The following PRKN variants were observed in gnomAD, a reference collection of about 807,000 sequenced individuals.
PRKN encodes parkin RBR E3 ubiquitin protein ligase, also known as E3 ubiquitin-protein ligase parkin.
A neutral mutation model predicts 59.5 loss-of-function variants in PRKN; 56 were observed. The ratio of observed to expected loss-of-function variants is 0.94; its 90% CI spans 0.76 to 1.18. The LOEUF is 1.18. Among genes scored for constraint, PRKN ranks in the 50% most tolerant of loss-of-function variants. The pLI, the probability that PRKN is intolerant of heterozygous loss-of-function variation, is 0.00. For missense variants in PRKN, 657 were observed against 596.4 expected, an observed-to-expected ratio of 1.10 and a Z score of -1.06; for synonymous variants, 250 against 222.1, an observed-to-expected ratio of 1.13 and a Z score of -1.12.
intron 9 of PRKN, among the ~76,000 whole-genome samples, chr6:161,532,237 AT>A (rs1229759718): frequency 6.6e-6 from 1 of 151,554 alleles, no homozygotes; most frequent in African/African-American, 2.4e-5. Context: ...TTGCAGAAAA[AT>A]TTGCCTAGAG....
rs142874290 is a variant in PRKN at position 161,471,629 on chromosome 6, A to C, written c.1083+77225T>G. On this transcript the variant is annotated intron_variant, in intron 9 of 11. Coordinates refer to ENST00000366898, the MANE Select transcript of PRKN (RefSeq NM_004562.3). The surrounding 1 kb of genome is among the most constrained non-coding windows in gnomAD (Gnocchi z 4.5). ...CTCTTGAATTGGATGGTCTATCGGA[A>C]ACAGAATCAGGATTCAAAAACATCC... Among the ~76,000 whole-genome samples, 41 of 152,292 alleles carry C rather than the reference A, an allele frequency of 2.7e-4. No homozygotes were observed. The highest frequency in any genetic ancestry group is 8.4e-4 in the African/African-American group (35 of 41,546).
At chr6:161,884,220 T>A (rs537607657) in intron 6 of PRKN, among the ~76,000 whole-genome samples, 1 of 152,270 alleles carries the variant, frequency 6.6e-6, no homozygotes, top group Admixed American at 6.5e-5. Context: ...AAGAAACAGC[T>A]CATGTTTTTA....
chr6:161,536,606 C>G (rs544976490), intron 9 of PRKN, among the ~76,000 whole-genome samples: 2 of 152,264 alleles, frequency 1.3e-5, no homozygotes, highest in Non-Finnish European at 2.9e-5. Context: ...GCAAGCAGTT[C>G]TGTTTGTACA....
intron 2 of PRKN, among the ~76,000 whole-genome samples, chr6:162,349,753 TAA>T (rs1784548699): frequency 6.6e-6 from 1 of 152,176 alleles, no homozygotes; most frequent in Non-Finnish European, 1.5e-5. Flanking sequence ...TAGTTGACGG[TAA>T]AAGACTGAAG....
intron 4 of PRKN, among the ~76,000 whole-genome samples, chr6:162,110,859 G>A (rs79574304): frequency 0.027 from 4,037 of 152,232 alleles, 183 homozygotes; most frequent in African/African-American, 0.093. Context: ...TGCCACACAT[G>A]CTTCACCTGA....
chr6:161,975,008 T>C (rs930130097), intron 5 of PRKN, among the ~76,000 whole-genome samples: 8 of 152,110 alleles, frequency 5.3e-5, no homozygotes, highest in African/African-American at 1.9e-4. Context: ...CAGGCCATGA[T>C]GAGACATTTG....
intron 1 of PRKN, among the ~76,000 whole-genome samples, chr6:162,570,560 C>G (rs1053157824): frequency 6.6e-6 from 1 of 152,140 alleles, no homozygotes; most frequent in Non-Finnish European, 1.5e-5. Flanking sequence ...GATTTGGAAG[C>G]AACCTAAGCA....
intron 7 of PRKN, among the ~76,000 whole-genome samples, chr6:161,768,369 T>G (rs988858693): frequency 1.3e-5 from 2 of 152,230 alleles, no homozygotes; most frequent in African/African-American, 2.4e-5. Context: ...TGATGTAAAA[T>G]GTATCTCTTT....
chr6:161,532,164 C>CTATATATATA (rs770823196), intron 9 of PRKN, among the ~76,000 whole-genome samples: 1 of 67,962 alleles, frequency 1.5e-5, no homozygotes, highest in Non-Finnish European at 3.0e-5. Context: ...CTCTCTCTCT[C>CTATATATATA]TCTATATATA....
chr6:161,750,490 A>C (rs1788642920), intron 7 of PRKN, among the ~76,000 whole-genome samples: 1 of 152,072 alleles, frequency 6.6e-6, no homozygotes, highest in Admixed American at 6.6e-5. Flanking sequence ...AGTATTGGCC[A>C]GGTGTGGTGG....
In PRKN at chr6:161,423,594, A is replaced by G. The variant is rs1788202432; in HGVS notation, c.1084-36717T>C. On this transcript the variant is annotated intron_variant, in intron 9 of 11. Transcript: ENST00000366898. The surrounding 1 kb of genome is among the most constrained non-coding windows in gnomAD (Gnocchi z 5.9). ...ATTTACAGATTTAGATGACTTGTCAATCCCAAGCTGGAATTCATAAAATTG... is the reference window on the plus strand; with the variant it reads ...ATTTACAGATTTAGATGACTTGTCAGTCCCAAGCTGGAATTCATAAAATTG... Among the ~76,000 whole-genome samples, 1 of 152,286 alleles carries G rather than the reference A, an allele frequency of 6.6e-6. No homozygotes were observed. Among genetic ancestry groups the G allele is most frequent in the Middle Eastern group, 3.4e-3 (1 of 294 alleles).
intron 2 of PRKN, among the ~76,000 whole-genome samples, chr6:162,296,446 A>T (rs1256328106): frequency 6.6e-6 from 1 of 151,688 alleles, no homozygotes; most frequent in Non-Finnish European, 1.5e-5. Flanking sequence ...GGCTTTAAGG[A>T]CCCTCTGGCT....
intron 1 of PRKN, among the ~76,000 whole-genome samples, chr6:162,626,429 T>A (rs372850593): frequency 6.6e-6 from 1 of 152,268 alleles, no homozygotes; most frequent in East Asian, 1.9e-4. Context: ...GAATTAATCA[T>A]AGAGGAAGAA....
At chr6:162,678,585 C>T (rs893528831) in intron 1 of PRKN, among the ~76,000 whole-genome samples, 1 of 152,174 alleles carries the variant, frequency 6.6e-6, no homozygotes, top group Non-Finnish European at 1.5e-5. Context: ...TACTTGTCAT[C>T]TGTATACTAT....
At chr6:162,411,553 A>T (rs1392662316) in intron 2 of PRKN, among the ~76,000 whole-genome samples, 3 of 152,222 alleles carry the variant, frequency 2.0e-5, no homozygotes, top group African/African-American at 7.2e-5. Flanking sequence ...ACATAATATT[A>T]TTATTTAATA....
At chr6:162,228,639 T>A (rs145190529) in intron 3 of PRKN, among the ~76,000 whole-genome samples, 2 of 152,206 alleles carry the variant, frequency 1.3e-5, no homozygotes, top group African/African-American at 4.8e-5. Flanking sequence ...TGTGAGCTGA[T>A]TGAAGTTATA....
chr6:162,407,705 AG>A (rs1425223793), intron 2 of PRKN, among the ~76,000 whole-genome samples: 1 of 151,904 alleles, frequency 6.6e-6, no homozygotes, highest in African/African-American at 2.4e-5. Flanking sequence ...ACACAGTTAC[AG>A]GGTATAAAAT....
intron 6 of PRKN, among the ~76,000 whole-genome samples, chr6:161,911,116 C>T (rs1778345277): frequency 6.6e-6 from 1 of 152,114 alleles, no homozygotes; most frequent in African/African-American, 2.4e-5. Flanking sequence ...CTTTCTTTTA[C>T]TAAGGAGAAT....
chr6:162,510,049 C>T (rs1379431048), intron 1 of PRKN, among the ~76,000 whole-genome samples: 10 of 152,196 alleles, frequency 6.6e-5, no homozygotes, highest in Non-Finnish European at 1.2e-4. Context: ...TGATTTAGGT[C>T]AGCCCAGAAA....
Sources: allele counts gnomAD v4.1 joint callset (sites outside exome capture counted in the v4.1 genomes callset), GRCh38; gene constraint gnomAD v4.1.1; non-coding constraint Gnocchi (gnomAD v3.1); transcripts MANE v1.5; gene names NCBI Gene and HGNC (gene_info 2026-07-23, HGNC 2026-07-21).